Variants in CCDC83 observed in about 807,000 individuals in gnomAD.
The protein encoded by CCDC83 is coiled-coil domain containing 83.
CCDC83 carries 54 observed loss-of-function variants against 50.1 expected under a neutral mutation model. That is an observed-to-expected ratio of 1.08 (90% CI 0.87 to 1.35). The LOEUF is 1.35. CCDC83 is among the 40% of genes most tolerant of loss of function. The probability of loss-of-function intolerance (pLI) is 0.00; values close to 1 mark genes in which losing one functional copy is unlikely to be tolerated. For synonymous variants in CCDC83, 161 were observed against 153.3 expected, an observed-to-expected ratio of 1.05 and a Z score of -0.37; for missense variants, 518 against 473.9, an observed-to-expected ratio of 1.09 and a Z score of -0.86.
At chr11:85,918,224 A>G (rs541913558) in intron 10 of CCDC83, among the ~76,000 whole-genome samples, 22 of 152,342 alleles carry the variant, frequency 1.4e-4, no homozygotes, top group Admixed American at 7.2e-4. Flanking sequence ...TGAAATCTCA[A>G]ATATGCCTAT....
chr11:85,866,559 G>A (rs970690612), intron 2 of CCDC83, among the ~76,000 whole-genome samples: 21 of 151,926 alleles, frequency 1.4e-4, no homozygotes, highest in Admixed American at 4.6e-4. Context: ...AGGTGGAGAC[G>A]GGAGGATTGC....
intron 7 of CCDC83, among the ~76,000 whole-genome samples, chr11:85,899,646 T>C (rs1026525226): frequency 3.9e-5 from 6 of 152,354 alleles, no homozygotes; most frequent in Non-Finnish European, 8.8e-5. Flanking sequence ...TAATTCTTGC[T>C]GAAAGATGTT....
intron 7 of CCDC83, among the ~76,000 whole-genome samples, chr11:85,903,544 C>A (rs1476377439): frequency 6.6e-6 from 1 of 151,928 alleles, no homozygotes; most frequent in Admixed American, 6.6e-5. Flanking sequence ...CTCAAGTGAT[C>A]CACCCGCCTC....
chr11:85,860,824 T>C (rs2093171863), intron 1 of CCDC83, among the ~76,000 whole-genome samples: 3 of 152,206 alleles, frequency 2.0e-5, no homozygotes, highest in South Asian at 4.1e-4. Flanking sequence ...CAAAATCGTG[T>C]CCTTTGTAGC....
chr11:85,896,106 GC>G (rs2093373823), intron 6 of CCDC83, among the ~76,000 whole-genome samples: 1 of 152,022 alleles, frequency 6.6e-6, no homozygotes, highest in Admixed American at 6.6e-5. Flanking sequence ...TACCAGTTGA[GC>G]ATCTCAAATC....
At chr11:85,912,114 G>C (rs2093457371) in intron 8 of CCDC83, among the ~76,000 whole-genome samples, 1 of 152,170 alleles carries the variant, frequency 6.6e-6, no homozygotes, top group South Asian at 2.1e-4. Flanking sequence ...GGAAGAGAGG[G>C]GAAGTCACAC....
Position 85,919,547 on chromosome 11 carries a change from T to C in CCDC83, c.*37T>C. 1.3e-6 allele frequency: 2 copies of C among 1,518,094 alleles called. No individual in the cohort carries two copies. The highest frequency in any genetic ancestry group is 2.4e-5 in the South Asian group (2 of 83,526). The allele number at this position is 1,518,094 out of a possible 1,614,324, so 94.0% of individuals were successfully genotyped here. A position where few individuals can be genotyped will look rare whatever the true frequency, so the allele number is the denominator to read the frequency against. On this transcript the variant is annotated 3_prime_UTR_variant, in exon 11 of 11. Coordinates refer to ENST00000342404, the MANE Select transcript of CCDC83 (RefSeq NM_001286159.2). ...GCAAAGGAAACACAACTTTTCCTTATAAATGTTCTTTGGGAACTGAAGTAT... is the reference window on the plus strand; with the variant it reads ...GCAAAGGAAACACAACTTTTCCTTACAAATGTTCTTTGGGAACTGAAGTAT...
intron 7 of CCDC83, among the ~76,000 whole-genome samples, chr11:85,905,787 G>A (rs537181893): frequency 4.8e-4 from 73 of 151,370 alleles, no homozygotes; most frequent in Non-Finnish European, 9.3e-4. Context: ...GGCTAACACG[G>A]TGAAACCCCG....
At chr11:85,911,192 A>AAT in intron 7 of CCDC83, 89 bp from the exon 8 acceptor site, 3 of 1,044,494 alleles carry the variant, frequency 2.9e-6, no homozygotes, top group Non-Finnish European at 3.9e-6. Context: ...AAAAAAAAAA[A>AAT]GAAAGAAAAA....
chr11:85,866,127 T>A (rs972908831), intron 2 of CCDC83, among the ~76,000 whole-genome samples: 2 of 152,202 alleles, frequency 1.3e-5, no homozygotes, highest in Non-Finnish European at 2.9e-5. Context: ...TTCCAACAAA[T>A]AGCTCCTTGA....
At chr11:85,913,901 C>T (rs1403664299) in intron 8 of CCDC83, among the ~76,000 whole-genome samples, 2 of 152,142 alleles carry the variant, frequency 1.3e-5, no homozygotes, top group Admixed American at 6.5e-5. Flanking sequence ...AGTGTTGTTA[C>T]CCTGTAGTAG....
At chr11:85,876,946 C>T (rs1424583709) in intron 3 of CCDC83, among the ~76,000 whole-genome samples, 2 of 152,054 alleles carry the variant, frequency 1.3e-5, no homozygotes, top group Non-Finnish European at 2.9e-5. Flanking sequence ...ATTATTCTTA[C>T]CTTAAATAGT....
At chr11:85,887,050 C>CCT (rs1435674343) in intron 5 of CCDC83, among the ~76,000 whole-genome samples, 4 of 152,136 alleles carry the variant, frequency 2.6e-5, no homozygotes, top group African/African-American at 9.7e-5. Flanking sequence ...CAAGCTAAGT[C>CCT]AGCTTAGCCA....
intron 4 of CCDC83, among the ~76,000 whole-genome samples, chr11:85,884,897 T>A (rs1343967300): frequency 6.6e-6 from 1 of 152,156 alleles, no homozygotes; most frequent in Admixed American, 6.5e-5. Context: ...ATAACCACCA[T>A]TTGTTAAGAG....
intron 10 of CCDC83, chr11:85,918,117 G>C (rs1351630995): frequency 6.6e-6 from 1 of 151,994 alleles, no homozygotes; most frequent in East Asian, 1.9e-4. Context: ...TTCATTCTTT[G>C]ATTCTTCTAA....
intron 7 of CCDC83, among the ~76,000 whole-genome samples, chr11:85,901,543 A>G (rs2093401983): frequency 1.3e-5 from 2 of 151,108 alleles, no homozygotes; most frequent in South Asian, 4.2e-4. Context: ...ACTGCACTCC[A>G]GCCTGGGCAA....
chr11:85,917,871 C>G (rs547523150), intron 10 of CCDC83: 11 of 152,190 alleles, frequency 7.2e-5, no homozygotes, highest in Admixed American at 7.2e-4. Flanking sequence ...TACAAAATCC[C>G]CAAATAGCAT....
Position 85,895,955 on chromosome 11 carries a change from A to AG in CCDC83, c.603+573dup, listed in dbSNP as rs543337258. 3.3e-5 allele frequency among the ~76,000 whole-genome samples: 5 copies of AG among 152,322 alleles called. No individual in the cohort carries two copies. In the South Asian group the frequency reaches 8.3e-4, roughly 25 times the overall value. On this transcript the variant is annotated intron_variant, in intron 6 of 10. Transcript: ENST00000342404. ...CAGCCTCCTGAGTAGCTGGGACTACAGGCATGTGCCACCACTCTTGGCTAA... is the reference window on the plus strand; with the variant it reads ...CAGCCTCCTGAGTAGCTGGGACTACAGGGCATGTGCCACCACTCTTGGCTAA...
At chr11:85,887,110 G>A (rs2093330790) in intron 5 of CCDC83, among the ~76,000 whole-genome samples, 1 of 152,182 alleles carries the variant, frequency 6.6e-6, no homozygotes, top group African/African-American at 2.4e-5. Flanking sequence ...CAATTAAGTT[G>A]TAACCAGGGA....
Sources: allele counts gnomAD v4.1 joint callset (sites outside exome capture counted in the v4.1 genomes callset), GRCh38; gene constraint gnomAD v4.1.1; transcripts MANE v1.5; gene names NCBI Gene and HGNC (gene_info 2026-07-23, HGNC 2026-07-21).